Variants in SKIC3 observed in about 807,000 individuals in gnomAD.
SKIC3 encodes superkiller complex protein 3.
chr5:95,517,248 AC>A, the SKIC3 span: 1 of 1,613,428 alleles, frequency 6.2e-7, no homozygotes, highest in East Asian at 2.2e-5. Context: ...AGATGGTGCG[AC>A]AGCATACAGA....
chr5:95,468,457 C>A, the SKIC3 span, among the ~76,000 whole-genome samples: 81 of 152,246 alleles, frequency 5.3e-4, no homozygotes, highest in South Asian at 3.7e-3. Flanking sequence ...CTATGTATAT[C>A]ATATCAGGCT....
chr5:95,525,666 T>C, the SKIC3 span: 1 of 1,613,914 alleles, frequency 6.2e-7, no homozygotes, highest in Non-Finnish European at 8.5e-7. Context: ...ATTATCTGCA[T>C]CAGAAATCTA....
At chr5:95,520,161 C>T in the SKIC3 span, among the ~76,000 whole-genome samples, 4 of 151,880 alleles carry the variant, frequency 2.6e-5, no homozygotes, top group Non-Finnish European at 5.9e-5. Flanking sequence ...TCTGACCTAA[C>T]CAATGAATTC....
the SKIC3 span, among the ~76,000 whole-genome samples, chr5:95,488,727 CA>C: frequency 6.6e-6 from 1 of 151,698 alleles, no homozygotes; most frequent in Non-Finnish European, 1.5e-5. Flanking sequence ...TGAAAACACA[CA>C]AAAGTAAAAA....
At chr5:95,483,808 A>G in the SKIC3 span, among the ~76,000 whole-genome samples, 22 of 152,186 alleles carry the variant, frequency 1.4e-4, no homozygotes, top group Non-Finnish European at 2.8e-4. Context: ...AAGGTAATAC[A>G]CATTTATTCA....
chr5:95,489,796 AG>A, the SKIC3 span, among the ~76,000 whole-genome samples: 1 of 152,168 alleles, frequency 6.6e-6, no homozygotes, highest in African/African-American at 2.4e-5. Context: ...AAAAATAGGT[AG>A]ATTGTTCTTT....
At chr5:95,516,450 G>T in the SKIC3 span, 1 of 1,612,256 alleles carries the variant, frequency 6.2e-7, no homozygotes, top group Non-Finnish European at 8.5e-7. Flanking sequence ...TAGGCCCCTT[G>T]TCTAGTTGAA....
At chr5:95,491,483 G>T in the SKIC3 span, among the ~76,000 whole-genome samples, 1 of 152,194 alleles carries the variant, frequency 6.6e-6, no homozygotes, top group African/African-American at 2.4e-5. Context: ...AAAGGCTCAA[G>T]ATTTTAATTA....
chr5:95,468,490 G>A, the SKIC3 span, among the ~76,000 whole-genome samples: 3 of 152,260 alleles, frequency 2.0e-5, no homozygotes, highest in African/African-American at 4.8e-5. Context: ...TTTCAAGGAC[G>A]TGTATGATAA....
chr5:95,540,809 A>G, the SKIC3 span: 3 of 1,614,090 alleles, frequency 1.9e-6, 1 homozygote, highest in Admixed American at 3.3e-5. Flanking sequence ...GTTTTTATCA[A>G]CTTGTGCCAT....
the SKIC3 span, chr5:95,512,818 C>T: frequency 3.3e-6 from 2 of 599,190 alleles, no homozygotes; most frequent in Non-Finnish European, 2.8e-6. Flanking sequence ...TTGCTCCAAT[C>T]CTAACGAGAA....
chr5:95,520,712 G>C, the SKIC3 span: 1 of 1,601,364 alleles, frequency 6.2e-7, no homozygotes, highest in South Asian at 1.1e-5. Context: ...AGAATAATAC[G>C]AACCAAGTAA....
At chr5:95,477,812 T>A in the SKIC3 span, among the ~76,000 whole-genome samples, 1 of 152,176 alleles carries the variant, frequency 6.6e-6, no homozygotes, top group Non-Finnish European at 1.5e-5. Context: ...CACTTAAACA[T>A]GTATCTTGAC....
chr5:95,550,674 G>A, the SKIC3 span: 3 of 152,348 alleles, frequency 2.0e-5, no homozygotes, highest in Non-Finnish European at 2.9e-5. Flanking sequence ...AAACAAGTAT[G>A]AGACAATCAT....
At chr5:95,539,270 C>T in the SKIC3 span, among the ~76,000 whole-genome samples, 1 of 151,708 alleles carries the variant, frequency 6.6e-6, no homozygotes, top group Non-Finnish European at 1.5e-5. Flanking sequence ...AACAACAATC[C>T]CATCAAAAAG....
chr5:95,476,163 C>G, the SKIC3 span, among the ~76,000 whole-genome samples: 1 of 152,248 alleles, frequency 6.6e-6, no homozygotes, highest in South Asian at 2.1e-4. Context: ...CATCTCACCC[C>G]TCTTAGCTCT....
At chr5:95,541,348 T>G in the SKIC3 span, 3 of 1,613,572 alleles carry the variant, frequency 1.9e-6, no homozygotes, top group African/African-American at 4.0e-5. Context: ...CACAAGTTTC[T>G]TGCAGACATC....
At chr5:95,535,108 A>G in the SKIC3 span, among the ~76,000 whole-genome samples, 1 of 152,262 alleles carries the variant, frequency 6.6e-6, no homozygotes, top group South Asian at 2.1e-4. Context: ...CACCTAGTGT[A>G]CTGGAGCTAG....
the SKIC3 span, chr5:95,513,320 C>T: frequency 6.8e-6 from 3 of 438,450 alleles, no homozygotes; most frequent in South Asian, 4.6e-5. Flanking sequence ...CCTCCTGCCT[C>T]AGCCTCCTGA....
Sources: gnomAD v4.1 joint callset for allele counts (sites outside exome capture counted in the v4.1 genomes callset) on GRCh38, gnomAD v4.1.1 for gene constraint, MANE v1.5 for transcripts, NCBI Gene and HGNC (gene_info 2026-07-23, HGNC 2026-07-21) for gene names.